Variants in ANK3 observed in about 807,000 individuals in gnomAD.
The protein encoded by ANK3 is ankyrin 3.
Under a neutral mutation model 370.9 loss-of-function variants are expected in ANK3, and 57 were observed. The observed-to-expected ratio is 0.15, with a 90% CI of 0.12 to 0.19. The LOEUF is 0.19. Ranked by LOEUF, ANK3 falls within the 10% of genes least tolerant of loss-of-function variation. ANK3 has a pLI of 1.00. For synonymous variants in ANK3, 1,929 were observed against 1,946.3 expected (o/e 0.99, Z 0.23); for missense variants, 4,439 against 5,302.1 (o/e 0.84, Z 5.06).
At chr10:60,095,074 G>A (rs1318944171) in intron 28 of ANK3, among the ~76,000 whole-genome samples, 1 of 152,206 alleles carries the variant, frequency 6.6e-6, no homozygotes, top group East Asian at 1.9e-4. Context: ...CTGACTGTGG[G>A]CCGCATTGCT....
At chr10:60,665,776 A>G (rs2078988453) in intron 1 of ANK3, among the ~76,000 whole-genome samples, 1 of 152,216 alleles carries the variant, frequency 6.6e-6, no homozygotes, top group South Asian at 2.1e-4. Context: ...ACCGTGTAAT[A>G]ACATAGTCAT....
intron 4 of ANK3, among the ~76,000 whole-genome samples, chr10:60,272,172 A>G (rs2098001721): frequency 1.3e-5 from 2 of 150,958 alleles, no homozygotes; most frequent in African/African-American, 4.9e-5. Flanking sequence ...CCCTCTTCCC[A>G]GTGCTATGAC....
At chr10:60,277,545 G>A (rs572789543) in intron 4 of ANK3, among the ~76,000 whole-genome samples, 2 of 152,272 alleles carry the variant, frequency 1.3e-5, no homozygotes, top group East Asian at 3.9e-4. Context: ...TCTTTTGGAA[G>A]AAGTATTTGC....
chr10:60,417,922 A>C (rs796340619), intron 2 of ANK3, among the ~76,000 whole-genome samples: 14 of 152,254 alleles, frequency 9.2e-5, no homozygotes, highest in African/African-American at 3.4e-4. Flanking sequence ...TTTTAAAAAA[A>C]TTTTGCTTTT....
chr10:60,439,313 T>C (rs1188265519), intron 2 of ANK3, among the ~76,000 whole-genome samples: 1 of 152,130 alleles, frequency 6.6e-6, no homozygotes, highest in Non-Finnish European at 1.5e-5. Flanking sequence ...AAATATTGCA[T>C]TAAACAGAAT....
chr10:60,723,717 T>C (rs1013644058), intron 1 of ANK3, among the ~76,000 whole-genome samples: 7 of 152,300 alleles, frequency 4.6e-5, no homozygotes, highest in Admixed American at 1.3e-4. Context: ...CCAAGATAGC[T>C]GATTTTACAA....
chr10:60,127,145 G>A (rs2093804172), intron 25 of ANK3, among the ~76,000 whole-genome samples: 1 of 152,190 alleles, frequency 6.6e-6, no homozygotes, highest in Admixed American at 6.5e-5. Flanking sequence ...CCCCAGTAGA[G>A]TTTCTCTTTC....
chr10:60,079,496 T>A (rs776646305), intron 36 of ANK3, among the ~76,000 whole-genome samples: 2 of 152,164 alleles, frequency 1.3e-5, no homozygotes, highest in Non-Finnish European at 2.9e-5. Context: ...TGCTATGCTG[T>A]TGGCCCATAA....
intron 14 of ANK3, among the ~76,000 whole-genome samples, chr10:60,197,471 T>C (rs2096605271): frequency 6.6e-6 from 1 of 152,156 alleles, no homozygotes; most frequent in African/African-American, 2.4e-5. Context: ...GTGCAGCTGG[T>C]ATGGTGAAAT....
intron 43 of ANK3, among the ~76,000 whole-genome samples, chr10:60,031,942 C>T (rs2073680785): frequency 6.6e-6 from 1 of 152,004 alleles, no homozygotes; most frequent in South Asian, 2.1e-4. Flanking sequence ...GCTGAGGTTC[C>T]AAAGAAGGAA....
intron 23 of ANK3, among the ~76,000 whole-genome samples, chr10:60,161,859 C>G (rs967388854): frequency 6.6e-6 from 1 of 151,874 alleles, no homozygotes; most frequent in African/African-American, 2.4e-5. Context: ...TTATAGTTAA[C>G]AATAATTTAT....
At chr10:60,396,321 G>A (rs2063238573) in intron 2 of ANK3, among the ~76,000 whole-genome samples, 1 of 152,154 alleles carries the variant, frequency 6.6e-6, no homozygotes, top group Non-Finnish European at 1.5e-5. Flanking sequence ...AGACAGTGAG[G>A]AGCCAGCTGA....
Position 60,073,737 on chromosome 10 carries a change from C to T in ANK3, c.7144G>A (p.Ala2382Thr), listed in dbSNP as rs748581447. Residue 2382 changes from alanine to threonine, a missense_variant, in exon 37 of 44, where the codon GCT becomes ACT. Ala to Thr is a moderately conservative substitution (Grantham distance 58). This residue lies in a region of ANK3 where 1,601 missense variants were observed against 1,731.7 expected (regional missense o/e 0.92). Transcript: ENST00000280772. ...CCCTGTTCCTCTGAACAAGGAAAAGCATCGTGTTTTTCTGGCAGAAAATCT... is the reference window on the plus strand; with the variant it reads ...CCCTGTTCCTCTGAACAAGGAAAAGTATCGTGTTTTTCTGGCAGAAAATCT... Reference protein sequence around the residue: ...LKDFLPEKHDAFPCSEEQGQQ... With the variant: ...LKDFLPEKHDTFPCSEEQGQQ... 2.9e-5 allele frequency: 46 copies of T among 1,613,806 alleles called. 1 individual carries two copies. The South Asian group carries it at 4.5e-4, about 16-fold the overall frequency.
At chr10:60,127,073 C>T (rs2093800079) in intron 25 of ANK3, among the ~76,000 whole-genome samples, 2 of 152,196 alleles carry the variant, frequency 1.3e-5, no homozygotes, top group African/African-American at 2.4e-5. Flanking sequence ...TGGTAGGAAT[C>T]ATTGGTCTTC....
At chr10:60,495,392 T>C (rs1249908985) in intron 2 of ANK3, among the ~76,000 whole-genome samples, 1 of 152,182 alleles carries the variant, frequency 6.6e-6, no homozygotes, top group African/African-American at 2.4e-5. Flanking sequence ...AATCAGAATT[T>C]GCATGCTGAC....
intron 8 of ANK3, among the ~76,000 whole-genome samples, chr10:60,215,321 T>C (rs1209097341): frequency 2.0e-5 from 3 of 152,204 alleles, no homozygotes; most frequent in Non-Finnish European, 4.4e-5. Context: ...CTGTTCACTC[T>C]AATGATAGTT....
chr10:60,642,642 G>GGC (rs1015852681), intron 1 of ANK3, among the ~76,000 whole-genome samples: 25 of 151,370 alleles, frequency 1.7e-4, no homozygotes, highest in Non-Finnish European at 3.7e-4. Flanking sequence ...TGGGGTGGGG[G>GGC]GGCGAGGGAT....
At chr10:60,086,544 A>ATT in intron 30 of ANK3, 133 bp downstream of exon 30, 1 of 741,406 alleles carries the variant, frequency 1.3e-6, no homozygotes, top group Non-Finnish European at 2.1e-6. Context: ...GACAAGTAAA[A>ATT]TGTTTTGTTC....
chr10:60,054,492 T>C (rs946710053), intron 42 of ANK3, among the ~76,000 whole-genome samples: 1 of 152,050 alleles, frequency 6.6e-6, no homozygotes, highest in Admixed American at 6.6e-5. Flanking sequence ...CACCACCAAA[T>C]CTTATATCAA....
Sources: allele counts gnomAD v4.1 joint callset (sites outside exome capture counted in the v4.1 genomes callset), GRCh38; gene constraint gnomAD v4.1.1; regional missense constraint gnomAD v4.1.1; transcripts MANE v1.5; gene names NCBI Gene and HGNC (gene_info 2026-07-23, HGNC 2026-07-21).